SLC44A5: variants seen among roughly 807,000 people sequenced by gnomAD.
The protein encoded by SLC44A5 is choline transporter-like protein 5.
A neutral mutation model predicts 101.8 loss-of-function variants in SLC44A5; 57 were observed. The observed-to-expected ratio is 0.56, with a 90% CI of 0.45 to 0.70. The LOEUF is 0.70. Ranked by LOEUF, SLC44A5 falls within the 30% of genes least tolerant of loss-of-function variation. SLC44A5 has a pLI of 0.00. For missense variants in SLC44A5, 737 were observed against 853.1 expected (o/e 0.86, Z 1.70); for synonymous variants, 281 against 290.9 (o/e 0.97, Z 0.35).
Position 75,222,381 on chromosome 1 carries a change from G to C in SLC44A5, c.1065C>G (p.Ile355Met), listed in dbSNP as rs144211033. Residue 355 changes from isoleucine (I) to methionine (M), a missense_variant, in exon 14 of 24, where the codon ATC becomes ATG. By Grantham distance (10) the Ile-to-Met change is conservative. Around this residue, in one of 3 missense-constraint regions of SLC44A5, gnomAD observed 665 missense variants for 764.4 expected, o/e 0.87. Transcript: ENST00000370859. ...FLRNRIRVAI[I>M]LLKEGSKAIG... Reference sequence around the variant, plus strand: ...CTTACTTGCTTCCTTCCTTCAGCAGGATAATGGCGACTCGGATTCGATTCC... The same window carrying C: ...CTTACTTGCTTCCTTCCTTCAGCAGCATAATGGCGACTCGGATTCGATTCC... The C allele has an allele frequency of 1.2e-6, 2 of 1,613,416 alleles. No homozygotes were observed. Among genetic ancestry groups the C allele is most frequent in the East Asian group, 2.2e-5 (1 of 44,824 alleles).
intron 2 of SLC44A5, among the ~76,000 whole-genome samples, chr1:75,421,386 A>G (rs905186477): frequency 2.0e-5 from 3 of 152,138 alleles, no homozygotes; most frequent in African/African-American, 7.2e-5. Context: ...CTATACAGAG[A>G]AAGATACTGA....
At chr1:75,671,708 G>A in the SLC44A5 span, among the ~76,000 whole-genome samples, 1 of 152,190 alleles carries the variant, frequency 6.6e-6, no homozygotes, top group Non-Finnish European at 1.5e-5. Flanking sequence ...GATGAGTGCA[G>A]TAGAAAGAGA....
chr1:75,332,843 A>G (rs1244224447), intron 4 of SLC44A5, among the ~76,000 whole-genome samples: 1 of 152,220 alleles, frequency 6.6e-6, no homozygotes, highest in Non-Finnish European at 1.5e-5. Flanking sequence ...ATGTGGACAC[A>G]CACCACACAT....
chr1:75,232,115 A>G (rs577520155), intron 12 of SLC44A5, among the ~76,000 whole-genome samples: 1 of 151,762 alleles, frequency 6.6e-6, no homozygotes, highest in South Asian at 2.1e-4. Flanking sequence ...CCCTCAGTAA[A>G]TTACTGTCAA....
At chr1:75,670,855 C>T in the SLC44A5 span, among the ~76,000 whole-genome samples, 16 of 152,150 alleles carry the variant, frequency 1.1e-4, no homozygotes, top group Non-Finnish European at 2.4e-4. Flanking sequence ...AAATGCCAGA[C>T]ATATGGTGAG....
At chr1:75,715,113 A>C in the SLC44A5 span, among the ~76,000 whole-genome samples, 1 of 152,194 alleles carries the variant, frequency 6.6e-6, no homozygotes. Flanking sequence ...TCTCTACGAG[A>C]ATTACAAAAC....
intron 5 of SLC44A5, among the ~76,000 whole-genome samples, chr1:75,279,472 T>C (rs972152497): frequency 2.0e-5 from 3 of 152,142 alleles, no homozygotes; most frequent in East Asian, 1.9e-4. Context: ...ATGAAGAACC[T>C]GGACCCAGAA....
the SLC44A5 span, among the ~76,000 whole-genome samples, chr1:75,662,702 C>A: frequency 6.6e-5 from 10 of 152,056 alleles, no homozygotes; most frequent in South Asian, 2.1e-3. Context: ...GGGTTTTTGC[C>A]TTTCACAATT....
intron 9 of SLC44A5, among the ~76,000 whole-genome samples, chr1:75,240,703 T>C (rs1204682587): frequency 6.6e-5 from 10 of 152,064 alleles, no homozygotes; most frequent in Admixed American, 6.6e-4. Flanking sequence ...ACATGTTTGG[T>C]GGTAGCTACT....
chr1:75,688,957 T>C, the SLC44A5 span, among the ~76,000 whole-genome samples: 1 of 152,238 alleles, frequency 6.6e-6, no homozygotes, highest in Non-Finnish European at 1.5e-5. Flanking sequence ...CTAACCCTTA[T>C]ACCATACCTA....
At chr1:75,605,183 C>A (rs1331190864) in intron 1 of SLC44A5, among the ~76,000 whole-genome samples, 1 of 151,816 alleles carries the variant, frequency 6.6e-6, no homozygotes, top group Non-Finnish European at 1.5e-5. Context: ...TAAAAACCTG[C>A]CTTTTAAGTT....
At chr1:75,225,834 G>A (rs1321867311) in intron 13 of SLC44A5, among the ~76,000 whole-genome samples, 2 of 152,238 alleles carry the variant, frequency 1.3e-5, no homozygotes, top group Admixed American at 6.5e-5. Flanking sequence ...TTTTCCTAAA[G>A]GTACATCTCT....
intron 4 of SLC44A5, among the ~76,000 whole-genome samples, chr1:75,312,774 C>G (rs1655409567): frequency 6.6e-6 from 1 of 151,962 alleles, no homozygotes; most frequent in African/African-American, 2.4e-5. Context: ...CTGAATAGCC[C>G]TCAGTGTGGA....
chr1:75,633,680 A>G, the SLC44A5 span, among the ~76,000 whole-genome samples: 1 of 151,962 alleles, frequency 6.6e-6, no homozygotes, highest in South Asian at 2.1e-4. Flanking sequence ...GGACAATTTG[A>G]CTTCCTCTTT....
chr1:75,576,718 ACACAACTATACT>A (rs1673390377), intron 1 of SLC44A5, among the ~76,000 whole-genome samples: 1 of 152,166 alleles, frequency 6.6e-6, no homozygotes, highest in Admixed American at 6.5e-5. Context: ...ATATGATTCA[ACACAACTATACT>A]CATTTCTGAA....
In SLC44A5 at chr1:75,520,693, G is replaced by T. The variant is rs79365743; in HGVS notation, c.13+20742C>A. On this transcript the variant is annotated intron_variant, in intron 2 of 23. Transcript: ENST00000370859. The stretch of plus-strand genomic sequence containing the variant: ...ATAATAATTTTGGTCTGAAAGACTC[G>T]CAAAATGAAGTAGAATTAAGAGGCA... Among the ~76,000 whole-genome samples the T allele has an allele frequency of 7.9e-5, 12 of 152,244 alleles. No individual in the cohort carries two copies. The East Asian group carries it at 2.3e-3, about 29-fold the overall frequency.
At chr1:75,244,398 T>G (rs780911827) in intron 7 of SLC44A5, among the ~76,000 whole-genome samples, 20 of 152,082 alleles carry the variant, frequency 1.3e-4, no homozygotes, top group Non-Finnish European at 2.4e-4. Context: ...CAATGCATAT[T>G]CAGGGTTAAA....
intron 7 of SLC44A5, among the ~76,000 whole-genome samples, chr1:75,249,097 G>T (rs961896962): frequency 1.3e-5 from 2 of 152,046 alleles, no homozygotes; most frequent in South Asian, 2.1e-4. Flanking sequence ...AAGGTCAAGG[G>T]TTTGCCCTTG....
At chr1:75,661,099 C>T in the SLC44A5 span, among the ~76,000 whole-genome samples, 3 of 151,876 alleles carry the variant, frequency 2.0e-5, no homozygotes, top group Non-Finnish European at 4.4e-5. Context: ...ACTACAAAAG[C>T]GTAGTAACCA....
Sources: gnomAD v4.1 joint callset for allele counts (sites outside exome capture counted in the v4.1 genomes callset) on GRCh38, gnomAD v4.1.1 for gene constraint, gnomAD v4.1.1 regional missense constraint, MANE v1.5 for transcripts, NCBI Gene and HGNC (gene_info 2026-07-23, HGNC 2026-07-21) for gene names.